The following GLIS3 variants were observed in gnomAD, a reference collection of about 807,000 sequenced individuals.
GLIS3 encodes GLIS family zinc finger 3.
A neutral mutation model predicts 78.6 loss-of-function variants in GLIS3; 53 were observed. The observed-to-expected ratio is 0.67, with a 90% CI of 0.54 to 0.85. The LOEUF is 0.85. Ranked by LOEUF, GLIS3 falls within the 40% of genes least tolerant of loss-of-function variation. The probability of loss-of-function intolerance (pLI) is 0.00; values close to 1 mark genes in which losing one functional copy is unlikely to be tolerated. For synonymous variants in GLIS3, 684 were observed against 509.9 expected (o/e 1.34, Z -4.60); for missense variants, 1,703 against 1,231.1 (o/e 1.38, Z -5.74).
chr9:4,443,495 T>G, the GLIS3 span, among the ~76,000 whole-genome samples: 4 of 152,072 alleles, frequency 2.6e-5, no homozygotes, highest in African/African-American at 7.2e-5. Flanking sequence ...AAATAAACAA[T>G]GAAGATGCAG....
At chr9:3,891,085 G>A (rs201580934) in intron 7 of GLIS3, among the ~76,000 whole-genome samples, 804 of 51,896 alleles carry the variant, frequency 0.015, 30 homozygotes, top group African/African-American at 0.025. Flanking sequence ...AAAAAAAGAA[G>A]AAGAAGAAAG....
At chr9:3,864,658 C>G (rs1448898657) in intron 8 of GLIS3, among the ~76,000 whole-genome samples, 2 of 152,150 alleles carry the variant, frequency 1.3e-5, no homozygotes, top group African/African-American at 4.8e-5. Context: ...GTTTATAGTG[C>G]TTTTTTTCTT....
intron 2 of GLIS3, among the ~76,000 whole-genome samples, chr9:4,165,084 G>A (rs897886571): frequency 6.6e-6 from 1 of 152,242 alleles, no homozygotes; most frequent in East Asian, 1.9e-4. Context: ...TACTTTGAGG[G>A]TCCACAGATG....
chr9:4,147,899 G>A (rs893989096), intron 2 of GLIS3, among the ~76,000 whole-genome samples: 11 of 152,066 alleles, frequency 7.2e-5, no homozygotes, highest in Non-Finnish European at 1.6e-4. Flanking sequence ...CCCTGCAGAA[G>A]ACATCCAGGG....
At chr9:4,463,295 A>C in the GLIS3 span, among the ~76,000 whole-genome samples, 3 of 152,212 alleles carry the variant, frequency 2.0e-5, no homozygotes, top group Admixed American at 1.3e-4. Flanking sequence ...GTTTGTAAGA[A>C]AGGAATTAAG....
chr9:4,274,398 A>T (rs1343763392), intron 2 of GLIS3, among the ~76,000 whole-genome samples: 1 of 152,078 alleles, frequency 6.6e-6, no homozygotes, highest in Non-Finnish European at 1.5e-5. Context: ...CCTTCTGCAC[A>T]GGGATATTCT....
intron 2 of GLIS3, among the ~76,000 whole-genome samples, chr9:4,147,042 AC>A (rs1311670351): frequency 6.6e-6 from 1 of 152,176 alleles, no homozygotes; most frequent in African/African-American, 2.4e-5. Context: ...AGCCACCCTG[AC>A]CTAGCACCTG....
the GLIS3 span, among the ~76,000 whole-genome samples, chr9:4,420,565 T>G: frequency 6.6e-6 from 1 of 152,168 alleles, no homozygotes; most frequent in Non-Finnish European, 1.5e-5. Flanking sequence ...TGTTTACCAT[T>G]TGATCTGCTT....
chr9:4,030,565 A>G (rs566814389), intron 4 of GLIS3, among the ~76,000 whole-genome samples: 1 of 152,324 alleles, frequency 6.6e-6, no homozygotes, highest in South Asian at 2.1e-4. Context: ...GTAGTTTCAC[A>G]GTTTAAGGTC....
the GLIS3 span, among the ~76,000 whole-genome samples, chr9:4,437,643 G>A: frequency 1.3e-5 from 2 of 151,988 alleles, no homozygotes; most frequent in African/African-American, 4.8e-5. Context: ...CTACTTATAC[G>A]CAGATTTTTT....
chr9:4,443,909 C>A, the GLIS3 span, among the ~76,000 whole-genome samples: 1 of 152,200 alleles, frequency 6.6e-6, no homozygotes, highest in Non-Finnish European at 1.5e-5. Flanking sequence ...GTTGACACTA[C>A]AATTCCACTG....
At chr9:4,219,201 C>T (rs918065865) in intron 2 of GLIS3, among the ~76,000 whole-genome samples, 2 of 152,212 alleles carry the variant, frequency 1.3e-5, no homozygotes, top group Non-Finnish European at 2.9e-5. Flanking sequence ...TGTCCTCTTC[C>T]ACGGTCTCCC....
At chr9:4,468,819 C>G in the GLIS3 span, among the ~76,000 whole-genome samples, 1 of 152,134 alleles carries the variant, frequency 6.6e-6, no homozygotes, top group Non-Finnish European at 1.5e-5. Context: ...GCTAAATGCT[C>G]CAATTAAAAG....
At chr9:4,469,234 G>A in the GLIS3 span, among the ~76,000 whole-genome samples, 2 of 152,114 alleles carry the variant, frequency 1.3e-5, no homozygotes, top group African/African-American at 4.8e-5. Context: ...CAATGAGACA[G>A]AAAGTTAACA....
intron 8 of GLIS3, among the ~76,000 whole-genome samples, chr9:3,866,333 A>C (rs1286015783): frequency 2.0e-5 from 3 of 152,106 alleles, no homozygotes; most frequent in African/African-American, 7.2e-5. Flanking sequence ...AGAGTTAAAG[A>C]GTAAAGGGAG....
At chr9:4,199,810 C>A (rs1057215300) in intron 2 of GLIS3, among the ~76,000 whole-genome samples, 1 of 151,998 alleles carries the variant, frequency 6.6e-6, no homozygotes, top group African/African-American at 2.4e-5. Flanking sequence ...CCAATTGGAC[C>A]TAATAGATAT....
chr9:4,069,442 T>C (rs1369750434), intron 4 of GLIS3, among the ~76,000 whole-genome samples: 1 of 152,218 alleles, frequency 6.6e-6, no homozygotes, highest in Non-Finnish European at 1.5e-5. Flanking sequence ...AAATCATTAA[T>C]ACATTTAAAA....
At chr9:4,378,569 C>G in the GLIS3 span, among the ~76,000 whole-genome samples, 2 of 152,064 alleles carry the variant, frequency 1.3e-5, no homozygotes, top group Non-Finnish European at 1.5e-5. Context: ...TCTGGCAACC[C>G]TACATCAATC....
chr9:4,396,427 C>A, the GLIS3 span, among the ~76,000 whole-genome samples: 1 of 152,300 alleles, frequency 6.6e-6, no homozygotes, highest in Admixed American at 6.5e-5. Context: ...CCATGCCCAG[C>A]CCATTTTTAC....
Sources: gnomAD v4.1 joint callset for allele counts (sites outside exome capture counted in the v4.1 genomes callset) on GRCh38, gnomAD v4.1.1 for gene constraint, MANE v1.5 for transcripts, NCBI Gene and HGNC (gene_info 2026-07-23, HGNC 2026-07-21) for gene names.